The following MTRES1 variants were observed in gnomAD, a reference collection of about 807,000 sequenced individuals.
MTRES1 encodes uncharacterized protein C6orf203.
A neutral mutation model predicts 17.4 loss-of-function variants in MTRES1; 11 were observed. That is an observed-to-expected ratio of 0.63 (90% CI 0.40 to 1.05). The LOEUF (loss-of-function observed/expected upper bound fraction) is 1.05, where lower values mean the gene tolerates loss of function less well. Ranked by LOEUF, MTRES1 falls within the 50% of genes least tolerant of loss-of-function variation. The pLI is 0.00. For synonymous variants in MTRES1, 94 were observed against 99.6 expected (o/e 0.94, Z 0.34); for missense variants, 268 against 276.2 (o/e 0.97, Z 0.21).
Position 107,040,118 on chromosome 6 carries a change from G to C in MTRES1, c.358G>C (p.Glu120Gln). 1.2e-6 allele frequency: 2 copies of C among 1,613,810 alleles called. No homozygotes were observed. The highest frequency in any genetic ancestry group is 1.3e-5 in the African/African-American group (1 of 75,056). The change falls in exon 2 of 4, where the codon GAG (glutamate) becomes CAG (glutamine). Residue 120 changes from glutamate to glutamine, a missense_variant. Coordinates refer to ENST00000311381, the MANE Select transcript of MTRES1 (RefSeq NM_016487.5). ...TCATGATGAGATGAGTGAGCAGGAA[G>C]AGGAGCTTGAGGATGATCCTACTGT... ...SHHDEMSEQE[E>Q]ELEDDPTVVK... is the part of the protein sequence containing the mutation.
At chr6:107,047,246 A>G (rs190360793) in intron 3 of MTRES1, among the ~76,000 whole-genome samples, 2 of 151,522 alleles carry the variant, frequency 1.3e-5, no homozygotes, top group Admixed American at 6.6e-5. Flanking sequence ...TTTTGGAGAC[A>G]GTGTCTTGCT....
chr6:107,051,317 A>T lies in MTRES1; in HGVS notation c.*81A>T. The T allele has an allele frequency of 8.0e-7, 1 of 1,252,278 alleles. No homozygotes were observed. The highest frequency in any genetic ancestry group is 1.1e-6 in the Non-Finnish European group (1 of 896,724). 77.6% of individuals were successfully genotyped at this position (1,252,278 alleles called of 1,614,324 possible). A position where few individuals can be genotyped will look rare whatever the true frequency, so the allele number is the denominator to read the frequency against. ...TGAAAAATAGGACATTTTTATTAAA[A>T]TAAAGTTCTCTTAGCGTTTGTGGAA... On this transcript the variant is annotated 3_prime_UTR_variant, in exon 4 of 4. Coordinates refer to ENST00000311381, the MANE Select transcript of MTRES1 (RefSeq NM_016487.5).
At chr6:107,040,998 G>A (rs9486502) in intron 2 of MTRES1, 47,022 of 151,666 alleles carry the variant, frequency 0.31, 7,763 homozygotes, top group Admixed American at 0.41. Context: ...AGGCCAAGGC[G>A]GGCGGATCAC....
intron 3 of MTRES1, among the ~76,000 whole-genome samples, chr6:107,049,408 CTTTTTTTTTTT>C (rs782057719): frequency 2.0e-5 from 2 of 99,382 alleles, no homozygotes; most frequent in Middle Eastern, 6.9e-3. Context: ...TATGGCCCTT[CTTTTTTTTTTT>C]TTTTTTTTTT....
chr6:107,048,524 G>A (rs1774471093), intron 3 of MTRES1, among the ~76,000 whole-genome samples: 1 of 151,138 alleles, frequency 6.6e-6, no homozygotes, highest in South Asian at 2.1e-4. Context: ...GCTCACACTT[G>A]TAATCCCAGC....
intron 2 of MTRES1, chr6:107,040,516 A>G: frequency 4.1e-6 from 1 of 246,700 alleles, no homozygotes; most frequent in Non-Finnish European, 7.8e-6. Flanking sequence ...ATGAATCACC[A>G]TATTAGATGT....
At chr6:107,046,478 G>C (rs1194291801) in intron 3 of MTRES1, among the ~76,000 whole-genome samples, 1 of 152,114 alleles carries the variant, frequency 6.6e-6, no homozygotes, top group African/African-American at 2.4e-5. Flanking sequence ...ACGCTCAGCT[G>C]TCTTGTTACT....
chr6:107,051,096 G>T lies in MTRES1; in HGVS notation c.583G>T (p.Asp195Tyr). 1 of 1,613,786 alleles carries T rather than the reference G, an allele frequency of 6.2e-7. No homozygotes were observed. ...GDTLDLLIGEDKEAGTETVMR... is the reference protein window; with the variant it reads ...GDTLDLLIGEYKEAGTETVMR... The stretch of plus-strand genomic sequence containing the variant: ...TACATTGGATCTTCTCATTGGAGAG[G>T]ATAAAGAAGCAGGAACAGAGACAGT... The change falls in exon 4 of 4, where the codon GAT becomes TAT. Residue 195 changes from aspartate to tyrosine, a missense_variant. Coordinates refer to ENST00000311381, the MANE Select transcript of MTRES1 (RefSeq NM_016487.5).
At chr6:107,036,572 G>A (rs1353248489) in intron 1 of MTRES1, among the ~76,000 whole-genome samples, 4 of 151,164 alleles carry the variant, frequency 2.6e-5, no homozygotes, top group African/African-American at 4.9e-5. Flanking sequence ...GGCTGGGTGC[G>A]GTGACTCACG....
At chr6:107,046,930 TTGTGTGTGTGTGTGTGTGTGTGTGTG>T (rs67662472) in intron 3 of MTRES1, among the ~76,000 whole-genome samples, 1 of 33,018 alleles carries the variant, frequency 3.0e-5, no homozygotes, top group African/African-American at 6.7e-5. Context: ...GGATTCATTC[TTGTGTGTGTGTGTGTGTGTGTGTGTG>T]TGTGTGTGTG....
chr6:107,050,884 C>T (rs1238421723), intron 3 of MTRES1, among the ~76,000 whole-genome samples, 173 bp from the exon 4 acceptor site: 1 of 152,154 alleles, frequency 6.6e-6, no homozygotes, highest in Non-Finnish European at 1.5e-5. Context: ...ACCTTTCACC[C>T]TCCCTTTCAC....
intron 2 of MTRES1, 114 bp downstream of exon 2, chr6:107,040,344 T>TTA: frequency 2.3e-6 from 2 of 887,350 alleles, no homozygotes; most frequent in Non-Finnish European, 3.2e-6. Context: ...TAAAAGGACC[T>TTA]TTGTAGGTAA....
At chr6:107,048,331 C>T (rs183733464) in intron 3 of MTRES1, among the ~76,000 whole-genome samples, 1,891 of 151,920 alleles carry the variant, frequency 0.012, 38 homozygotes, top group African/African-American at 0.043. Context: ...GACGGGGTTT[C>T]GCCATGTTGG....
rs1056788469 is a variant in MTRES1, at chr6:107,029,866, A to T, written c.-13+1595A>T. 5.9e-5 allele frequency among the ~76,000 whole-genome samples: 9 copies of T among 152,188 alleles called. No homozygotes were observed. In the South Asian group the frequency reaches 1.9e-3, roughly 32 times the overall value. On this transcript the variant is annotated intron_variant, in intron 1 of 3. Coordinates refer to ENST00000311381, the MANE Select transcript of MTRES1 (RefSeq NM_016487.5). ...AGCGAGTCTCCTGCCTTGGCCTCCCAAAGTGCTGGGATTATAGGCGTGAGC... is the reference window on the plus strand; with the variant it reads ...AGCGAGTCTCCTGCCTTGGCCTCCCTAAGTGCTGGGATTATAGGCGTGAGC...
chr6:107,045,980 T>C (rs998695739), intron 3 of MTRES1, among the ~76,000 whole-genome samples: 6 of 152,218 alleles, frequency 3.9e-5, no homozygotes, highest in African/African-American at 1.4e-4. Flanking sequence ...CCTGCAGTCC[T>C]TGCTAACTGG....
intron 3 of MTRES1, 120 bp from the exon 4 acceptor site, chr6:107,050,937 T>A (rs1449450694): frequency 1.2e-6 from 1 of 802,512 alleles, no homozygotes; most frequent in African/African-American, 1.7e-5. Flanking sequence ...GGTCAGGGCC[T>A]TTACTCACCT....
chr6:107,037,471 A>G (rs6926223), intron 1 of MTRES1, among the ~76,000 whole-genome samples: 3 of 152,266 alleles, frequency 2.0e-5, no homozygotes, highest in Admixed American at 2.0e-4. Flanking sequence ...TTGGACTCCA[A>G]AGTGGTGGGA....
chr6:107,048,228 A>G (rs1229247666), intron 3 of MTRES1, among the ~76,000 whole-genome samples: 4 of 151,906 alleles, frequency 2.6e-5, no homozygotes, highest in African/African-American at 4.8e-5. Flanking sequence ...TCTGCCTCCC[A>G]GGTTCAAGCG....
Position 107,039,791 on chromosome 6 carries a change from G to A in MTRES1, c.31G>A (p.Gly11Ser), listed in dbSNP as rs782528097. 35 of 1,608,112 alleles carry A rather than the reference G, an allele frequency of 2.2e-5. No individual in the cohort carries two copies. Among genetic ancestry groups the A allele is most frequent in the Middle Eastern group, 3.5e-4 (2 of 5,698 alleles). Residue 11 changes from glycine (G) to serine (S), a missense_variant, in exon 2 of 4, where the codon GGT (glycine) becomes AGT (serine). By Grantham distance (56) the Gly-to-Ser change is moderately conservative. Coordinates refer to ENST00000311381, the MANE Select transcript of MTRES1 (RefSeq NM_016487.5). The stretch of plus-strand genomic sequence containing the variant: ...TATGGCTAGTGTTAAATTGCTTGCC[G>A]GTGTTTTAAGAAAGCCAGATGCCTG... MAMASVKLLA[G>S]VLRKPDAWIG...
Sources: gnomAD v4.1 joint callset for allele counts (sites outside exome capture counted in the v4.1 genomes callset) on GRCh38, gnomAD v4.1.1 for gene constraint, MANE v1.5 for transcripts, NCBI Gene and HGNC (gene_info 2026-07-23, HGNC 2026-07-21) for gene names.